Variants in NACC2 observed in about 807,000 individuals in gnomAD.
NACC2 encodes the protein nucleus accumbens-associated protein 2.
NACC2 carries 8 observed loss-of-function variants against 25.1 expected under a neutral mutation model. The ratio of observed to expected loss-of-function variants is 0.32; its 90% CI spans 0.19 to 0.57. The LOEUF (loss-of-function observed/expected upper bound fraction) is 0.57. NACC2 is among the 20% of genes least tolerant of loss of function. NACC2 has a pLI of 0.89. For synonymous variants in NACC2, 435 were observed against 294.7 expected (o/e 1.48, Z -4.88); for missense variants, 644 against 650.2 (o/e 0.99, Z 0.10).
chr9:136,052,250 C>G (rs1010273195), intron 1 of NACC2, among the ~76,000 whole-genome samples: 5 of 152,186 alleles, frequency 3.3e-5, no homozygotes, highest in Non-Finnish European at 7.3e-5. Context: ...AGAAATGCTT[C>G]CCGGTGCCAC....
At chr9:136,046,017 C>T (rs981305730) in intron 2 of NACC2, among the ~76,000 whole-genome samples, 5 of 152,316 alleles carry the variant, frequency 3.3e-5, no homozygotes, top group Admixed American at 2.6e-4. Flanking sequence ...GGGAATGCAG[C>T]CGCACCCTGG....
At chr9:136,062,033 T>C (rs1841017593) in intron 1 of NACC2, among the ~76,000 whole-genome samples, 1 of 151,762 alleles carries the variant, frequency 6.6e-6, no homozygotes, top group Non-Finnish European at 1.5e-5. Context: ...GGCAGGAGAA[T>C]CGCTTGAACT....
chr9:136,052,073 G>T (rs1588572716), intron 1 of NACC2, among the ~76,000 whole-genome samples: 1 of 152,340 alleles, frequency 6.6e-6, no homozygotes, highest in East Asian at 1.9e-4. Context: ...ATGAATAGCC[G>T]CCTTTGATTT....
intron 2 of NACC2, among the ~76,000 whole-genome samples, chr9:136,045,259 C>A (rs1840703118): frequency 6.6e-6 from 1 of 152,192 alleles, no homozygotes; most frequent in African/African-American, 2.4e-5. Flanking sequence ...GTGGAGGGAG[C>A]CAGAAGGGAA....
chr9:136,023,074 G>C (rs1286040647), intron 2 of NACC2, among the ~76,000 whole-genome samples: 2 of 49,318 alleles, frequency 4.1e-5, no homozygotes, highest in Non-Finnish European at 7.8e-5. Context: ...GGAAGAGGGA[G>C]GGAGGAGGGA....
intron 1 of NACC2, among the ~76,000 whole-genome samples, chr9:136,057,942 G>A (rs1428873209): frequency 1.3e-5 from 2 of 152,236 alleles, no homozygotes; most frequent in Admixed American, 6.5e-5. Context: ...CGGCGACTTC[G>A]CGGCACACTC....
chr9:136,074,102 G>A (rs930716344), intron 1 of NACC2, among the ~76,000 whole-genome samples: 4 of 151,682 alleles, frequency 2.6e-5, no homozygotes, highest in Non-Finnish European at 5.9e-5. Flanking sequence ...GTCCAGGAGT[G>A]AGAGACCAGG....
chr9:136,040,834 G>A (rs971121654), intron 2 of NACC2, among the ~76,000 whole-genome samples: 11 of 152,190 alleles, frequency 7.2e-5, no homozygotes, highest in Non-Finnish European at 1.3e-4. Flanking sequence ...GGTGGTGCAC[G>A]CCTGTAGTTC....
At chr9:136,054,844 C>T (rs1432663976) in intron 1 of NACC2, among the ~76,000 whole-genome samples, 1 of 152,182 alleles carries the variant, frequency 6.6e-6, no homozygotes, top group Non-Finnish European at 1.5e-5. Context: ...CAGCCATCCT[C>T]AGGGTTGTGG....
At chr9:136,072,556 G>T (rs1216209526) in intron 1 of NACC2, among the ~76,000 whole-genome samples, 1 of 151,030 alleles carries the variant, frequency 6.6e-6, no homozygotes, top group Non-Finnish European at 1.5e-5. Context: ...AAAAAGAAAA[G>T]AAAAGAAAAA....
chr9:136,010,009 C>T lies in NACC2; in HGVS notation c.*1507G>A, dbSNP rs1250369695. Reference sequence around the variant, plus strand: ...TGCCCCTGGACAAGGACACAGGCCTCCAAAACAAAAGGGAGGGACACCTGG... The same window carrying T: ...TGCCCCTGGACAAGGACACAGGCCTTCAAAACAAAAGGGAGGGACACCTGG... On this transcript the variant is annotated 3_prime_UTR_variant, in exon 6 of 6. Transcript: ENST00000277554. This position sits in a 1 kb window ranked among gnomAD's most constrained non-coding sequence, Gnocchi z 4.9. The T allele has an allele frequency of 1.3e-5, 2 of 152,158 alleles. No individual in the cohort carries two copies. Among genetic ancestry groups the T allele is most frequent in the Non-Finnish European group, 2.9e-5 (2 of 68,070 alleles). The allele number at this position is 152,158 out of a possible 1,614,324, so 9.4% of individuals were successfully genotyped here.
intron 2 of NACC2, among the ~76,000 whole-genome samples, chr9:136,039,721 C>T (rs1269351816): frequency 2.0e-5 from 3 of 152,106 alleles, no homozygotes; most frequent in African/African-American, 7.2e-5. Flanking sequence ...ACTAAGAACA[C>T]CCACAAAATC....
intron 2 of NACC2, among the ~76,000 whole-genome samples, chr9:136,032,525 T>C (rs926674852): frequency 1.3e-5 from 2 of 152,104 alleles, no homozygotes; most frequent in Non-Finnish European, 2.9e-5. Context: ...GACAGGGATA[T>C]GTAAGAAGTT....
At chr9:136,046,405 C>T (rs1445675418) in intron 2 of NACC2, among the ~76,000 whole-genome samples, 2 of 152,214 alleles carry the variant, frequency 1.3e-5, no homozygotes, top group African/African-American at 2.4e-5. Context: ...CATCTTGCTC[C>T]GGGGTCTCCC....
Position 136,021,491 on chromosome 9 carries a change from G to A in NACC2, c.887-5062C>T, listed in dbSNP as rs376624793. ...GGCGAGGACACGGGGCAGCTGGGAC[G>A]TCCTGACCTCACTGGGGAGAGTGCA... On this transcript the variant is annotated intron_variant, in intron 2 of 5. Coordinates refer to ENST00000277554, the MANE Select transcript of NACC2 (RefSeq NM_144653.5). 8.5e-5 allele frequency among the ~76,000 whole-genome samples: 13 copies of A among 152,342 alleles called. No homozygotes were observed. In the East Asian group the frequency reaches 1.2e-3, roughly 14 times the overall value.
rs1048738403 is a variant in NACC2, at chr9:136,046,206, G to GGGAGGC, written c.886+3424_886+3429dup. ...GGGGCGGGAAGGGATGGGGGTGCAG[G>GGGAGGC]GGAGGCGGAGGCAGGCATTTCGCAA... On this transcript the variant is annotated intron_variant, in intron 2 of 5. Transcript: ENST00000277554. Among the ~76,000 whole-genome samples, 1,415 of 152,344 alleles carry GGGAGGC rather than the reference G, an allele frequency of 9.3e-3. 22 individuals carry two copies. Among genetic ancestry groups the GGGAGGC allele is most frequent in the African/African-American group, 0.033 (1,363 of 41,566 alleles).
At chr9:136,012,626 C>T (rs1199946752) in intron 5 of NACC2, among the ~76,000 whole-genome samples, 1 of 150,600 alleles carries the variant, frequency 6.6e-6, no homozygotes. Context: ...CCCCTTTTTG[C>T]TCTAAAACAG....
chr9:136,094,108 GGCACCCCCGGGTCA>G (rs1830461869), intron 1 of NACC2, among the ~76,000 whole-genome samples: 1 of 152,210 alleles, frequency 6.6e-6, no homozygotes, highest in Admixed American at 6.5e-5. Flanking sequence ...GGCTGCCTTG[GGCACCCCCGGGTCA>G]GCACCCCCGC....
chr9:136,083,726 G>A (rs562037702), intron 1 of NACC2, among the ~76,000 whole-genome samples: 2 of 152,326 alleles, frequency 1.3e-5, no homozygotes, highest in African/African-American at 4.8e-5. Flanking sequence ...GGCCTCCACC[G>A]CTGTGCAAGA....
Sources: allele counts gnomAD v4.1 joint callset (sites outside exome capture counted in the v4.1 genomes callset), GRCh38; gene constraint gnomAD v4.1.1; non-coding constraint Gnocchi (gnomAD v3.1); transcripts MANE v1.5; gene names NCBI Gene and HGNC (gene_info 2026-07-23, HGNC 2026-07-21).